The following CHIC1 variants were observed in gnomAD, a reference collection of about 807,000 sequenced individuals.
The protein encoded by CHIC1 is cysteine-rich hydrophobic domain-containing protein 1.
Under a neutral mutation model 18.5 loss-of-function variants are expected in CHIC1, and 7 were observed. The ratio of observed to expected loss-of-function variants is 0.38; its 90% CI spans 0.22 to 0.71. CHIC1 has a LOEUF of 0.71. CHIC1 is among the 30% of genes least tolerant of loss of function. The pLI, the probability that CHIC1 is intolerant of heterozygous loss-of-function variation, is 0.49. For synonymous variants in CHIC1, 77 were observed against 73.5 expected (o/e 1.05, Z -0.25); for missense variants, 159 against 176.9 (o/e 0.90, Z 0.57).
intron 3 of CHIC1, among the ~76,000 whole-genome samples, chrX:73,652,753 G>A (rs1346397981): frequency 8.9e-6 from 1 of 112,084 alleles, no homozygotes; most frequent in Non-Finnish European, 1.9e-5. Flanking sequence ...AGGCTGTGAA[G>A]AAATAGGAAT....
chrX:73,675,771 G>A (rs4262456), intron 3 of CHIC1, among the ~76,000 whole-genome samples: 23,384 of 109,811 alleles, frequency 0.21, 2,464 homozygotes, highest in African/African-American at 0.38. Flanking sequence ...TGATCCTGTC[G>A]TTATGATGTT....
At chrX:73,603,825 C>G (rs1487261538) in intron 3 of CHIC1, among the ~76,000 whole-genome samples, 1 of 109,017 alleles carries the variant, frequency 9.2e-6, no homozygotes, top group East Asian at 2.8e-4. Context: ...GTATGTTGAA[C>G]TAGCTTTGCA....
At chrX:73,596,967 G>A (rs1472046491) in intron 3 of CHIC1, among the ~76,000 whole-genome samples, 1 of 111,951 alleles carries the variant, frequency 8.9e-6, no homozygotes, top group Non-Finnish European at 1.9e-5. Flanking sequence ...CATAGGCATG[G>A]ACAAAGACTT....
intron 3 of CHIC1, among the ~76,000 whole-genome samples, chrX:73,610,909 C>T (rs1183708984): frequency 9.4e-6 from 1 of 106,096 alleles, no homozygotes; most frequent in Non-Finnish European, 1.9e-5. Flanking sequence ...TCTTTGTTAT[C>T]AATTGTAATG....
chrX:73,644,178 A>G (rs1307346943), intron 3 of CHIC1, among the ~76,000 whole-genome samples: 1 of 112,280 alleles, frequency 8.9e-6, no homozygotes, highest in East Asian at 2.8e-4. Context: ...GCTGCAGAAC[A>G]GCGGTGGCTG....
At chrX:73,625,375 A>G (rs1056395804) in intron 3 of CHIC1, among the ~76,000 whole-genome samples, 4 of 111,757 alleles carry the variant, frequency 3.6e-5, no homozygotes, top group Non-Finnish European at 5.6e-5. Context: ...AACAGAAAAA[A>G]TAATAAAGGG....
chrX:73,620,478 G>A (rs1321687055), intron 3 of CHIC1, among the ~76,000 whole-genome samples: 3 of 111,968 alleles, frequency 2.7e-5, no homozygotes, highest in African/African-American at 9.7e-5. Flanking sequence ...TTTTTTACAT[G>A]TTTTTTGGCT....
At chrX:73,601,828 A>G (rs1394173684) in intron 3 of CHIC1, among the ~76,000 whole-genome samples, 1 of 107,765 alleles carries the variant, frequency 9.3e-6, no homozygotes, top group Non-Finnish European at 1.9e-5. Context: ...GACTAATAAA[A>G]AAGAAAAGAG....
chrX:73,636,479 T>C (rs1190950062), intron 3 of CHIC1, among the ~76,000 whole-genome samples: 3 of 111,150 alleles, frequency 2.7e-5, no homozygotes, highest in Non-Finnish European at 3.8e-5. Flanking sequence ...TCCCCCAATC[T>C]CTGAAATTTT....
At chrX:73,603,154 G>A (rs1278991584) in intron 3 of CHIC1, among the ~76,000 whole-genome samples, 1 of 108,519 alleles carries the variant, frequency 9.2e-6, no homozygotes, top group Non-Finnish European at 1.9e-5. Context: ...AGCATGGAAT[G>A]TTTTTCCATT....
At chrX:73,611,214 C>T (rs1310578132) in intron 3 of CHIC1, among the ~76,000 whole-genome samples, 1 of 107,758 alleles carries the variant, frequency 9.3e-6, no homozygotes, top group African/African-American at 3.6e-5. Context: ...GTTCCCCTTC[C>T]TATGTCCATG....
chrX:73,641,517 A>T (rs773019154), intron 3 of CHIC1, among the ~76,000 whole-genome samples: 3 of 110,926 alleles, frequency 2.7e-5, no homozygotes, highest in East Asian at 5.6e-4. Flanking sequence ...CAATTTTTTT[A>T]AATTTCATTA....
intron 3 of CHIC1, among the ~76,000 whole-genome samples, chrX:73,638,267 T>G (rs1460490331): frequency 8.9e-6 from 1 of 111,793 alleles, no homozygotes; most frequent in Non-Finnish European, 1.9e-5. Flanking sequence ...CTGCAGTGTT[T>G]ATCAGGAGTG....
chrX:73,597,438 T>C (rs556170076), intron 3 of CHIC1, among the ~76,000 whole-genome samples: 1 of 110,276 alleles, frequency 9.1e-6, no homozygotes, highest in African/African-American at 3.3e-5. Flanking sequence ...GTTTGTCTTT[T>C]CACTGTCTTA....
At chrX:73,594,497 C>T (rs952463962) in intron 3 of CHIC1, among the ~76,000 whole-genome samples, 3 of 111,767 alleles carry the variant, frequency 2.7e-5, no homozygotes, top group Non-Finnish European at 1.9e-5. Flanking sequence ...ATAGGCATTG[C>T]ATGCTGAAGA....
At chrX:73,574,855 A>G (rs2057489430) in intron 1 of CHIC1, among the ~76,000 whole-genome samples, 3 of 109,803 alleles carry the variant, frequency 2.7e-5, no homozygotes, top group African/African-American at 9.9e-5. Flanking sequence ...AATCTTGTTT[A>G]TTCTTTGAAA....
At chrX:73,601,933 C>G (rs1304841153) in intron 3 of CHIC1, among the ~76,000 whole-genome samples, 1 of 104,826 alleles carries the variant, frequency 9.5e-6, no homozygotes. Context: ...ACTATAAACA[C>G]CTCTATGCAA....
chrX:73,603,099 C>G (rs1569502060), intron 3 of CHIC1, among the ~76,000 whole-genome samples: 1 of 108,251 alleles, frequency 9.2e-6, no homozygotes, highest in Non-Finnish European at 1.9e-5. Context: ...TAAATTACTT[C>G]GGGCAGTATG....
At position 73,667,855 on chromosome X, in the gene CHIC1, G is replaced by A. The variant is rs891881788; in HGVS notation, c.508-11471G>A. 4.5e-5 allele frequency among the ~76,000 whole-genome samples: 5 copies of A among 110,870 alleles called. 1 individual carries two copies. Among genetic ancestry groups the A allele is most frequent in the Middle Eastern group, 9.3e-3 (2 of 215 alleles). On this transcript the variant is annotated intron_variant, in intron 3 of 5. Transcript: ENST00000373502. Reference sequence around the variant, plus strand: ...ATGATCATGCATTGGGGATGATCTCGTGGAGTGTCTTACTGGGTTTCTCTG... The same window carrying A: ...ATGATCATGCATTGGGGATGATCTCATGGAGTGTCTTACTGGGTTTCTCTG...
Sources: gnomAD v4.1 joint callset for allele counts (sites outside exome capture counted in the v4.1 genomes callset) on GRCh38, gnomAD v4.1.1 for gene constraint, MANE v1.5 for transcripts, NCBI Gene and HGNC (gene_info 2026-07-23, HGNC 2026-07-21) for gene names.